Variants in HECW1 observed in about 807,000 individuals in gnomAD.
HECW1 encodes E3 ubiquitin-protein ligase HECW1.
HECW1 carries 61 observed loss-of-function variants against 182.3 expected under a neutral mutation model. The ratio of observed to expected loss-of-function variants is 0.33; its 90% CI spans 0.27 to 0.41. The LOEUF is 0.41. Ranked by LOEUF, HECW1 falls within the 10% of genes least tolerant of loss-of-function variation. The pLI, the probability that HECW1 is intolerant of heterozygous loss-of-function variation, is 1.00. For missense variants in HECW1, 1,739 were observed against 2,108.9 expected, an observed-to-expected ratio of 0.82 and a Z score of 3.44; for synonymous variants, 859 against 832.6, an observed-to-expected ratio of 1.03 and a Z score of -0.55.
At chr7:43,155,708 GATA>G (rs1452619772) in intron 2 of HECW1, among the ~76,000 whole-genome samples, 1 of 152,198 alleles carries the variant, frequency 6.6e-6, no homozygotes, top group East Asian at 1.9e-4. Context: ...TTGTCTCTAA[GATA>G]ATAAAACCTG....
intron 2 of HECW1, chr7:43,118,318 TG>T (rs1785244645): frequency 2.0e-5 from 3 of 152,706 alleles, no homozygotes; most frequent in Non-Finnish European, 4.4e-5. Context: ...TTAACGTGCA[TG>T]GATGTTCCCT....
intron 3 of HECW1, among the ~76,000 whole-genome samples, chr7:43,275,070 CAG>C (rs1463999131): frequency 6.6e-6 from 1 of 152,152 alleles, no homozygotes; most frequent in Admixed American, 6.5e-5. Context: ...CAGAGAATAA[CAG>C]AGCAAAGTAC....
intron 6 of HECW1, among the ~76,000 whole-genome samples, chr7:43,375,286 A>G (rs1315672948): frequency 6.6e-6 from 1 of 151,976 alleles, no homozygotes; most frequent in Non-Finnish European, 1.5e-5. Flanking sequence ...TAAGATGTCT[A>G]TTTAAAGGGA....
intron 5 of HECW1, among the ~76,000 whole-genome samples, chr7:43,327,983 T>TATTATTATC (rs1169377737): frequency 1.3e-4 from 20 of 149,110 alleles, no homozygotes; most frequent in African/African-American, 4.9e-4. Flanking sequence ...TTATTATTAT[T>TATTATTATC]ATTATTATCA....
chr7:43,564,450 T>C lies in HECW1; in HGVS notation c.*2524T>C, dbSNP rs932157947. ...GGAATGCAGTATCTCAGAAATTATA[T>C]ATAGATAGGTAACTTTGGCATACAT... On this transcript the variant is annotated 3_prime_UTR_variant, in exon 30 of 30. Coordinates refer to ENST00000395891, the MANE Select transcript of HECW1 (RefSeq NM_015052.5). The C allele has an allele frequency of 5.4e-6, 1 of 185,306 alleles. No homozygotes were observed. Among genetic ancestry groups the C allele is most frequent in the Admixed American group, 6.2e-5 (1 of 16,068 alleles). 11.5% of individuals were successfully genotyped at this position (185,306 alleles called of 1,614,324 possible).
At chr7:43,179,361 G>C (rs1293071774) in intron 2 of HECW1, among the ~76,000 whole-genome samples, 1 of 152,214 alleles carries the variant, frequency 6.6e-6, no homozygotes, top group Non-Finnish European at 1.5e-5. Context: ...AGAGTTCCAA[G>C]TGTGGTAAAA....
intron 2 of HECW1, among the ~76,000 whole-genome samples, chr7:43,151,648 A>C (rs115755846): frequency 0.012 from 1,901 of 152,312 alleles, 31 homozygotes; most frequent in African/African-American, 0.043. Flanking sequence ...CCAAATAAAC[A>C]TTGCTAAAAA....
rs192505968 is a variant in HECW1, at chr7:43,129,636, A to C, written c.-32+15245A>C. ...AATAGGTAATTGAAAAACAAAAACA[A>C]AACGGATAAAGGACAAAATAACCAT... On this transcript the variant is annotated intron_variant, in intron 2 of 29. Coordinates refer to ENST00000395891, the MANE Select transcript of HECW1 (RefSeq NM_015052.5). Among the ~76,000 whole-genome samples the C allele has an allele frequency of 1.4e-4, 22 of 152,296 alleles. No individual in the cohort carries two copies. In the East Asian group the frequency reaches 4.1e-3, roughly 28 times the overall value.
intron 7 of HECW1, among the ~76,000 whole-genome samples, chr7:43,401,530 GA>G (rs1417910646): frequency 1.4e-5 from 2 of 146,802 alleles, no homozygotes; most frequent in African/African-American, 5.0e-5. Context: ...AAATGTATAT[GA>G]AGAGACCAAC....
intron 26 of HECW1, among the ~76,000 whole-genome samples, chr7:43,544,924 A>G (rs1206374426): frequency 6.6e-6 from 1 of 152,224 alleles, no homozygotes. Context: ...GAGAAAAAGG[A>G]TAGTGAAGAA....
chr7:43,479,577 A>G (rs764059138), intron 16 of HECW1, 33 bp from the exon 17 acceptor site: 1 of 1,613,626 alleles, frequency 6.2e-7, no homozygotes, highest in Admixed American at 1.7e-5. Flanking sequence ...TTCTCACACC[A>G]CACGGTGCTT....
chr7:43,393,379 A>G (rs1193965385), intron 6 of HECW1, among the ~76,000 whole-genome samples: 1 of 152,188 alleles, frequency 6.6e-6, no homozygotes, highest in Non-Finnish European at 1.5e-5. Context: ...AACTGTAAAG[A>G]GTCTGTCTGT....
intron 4 of HECW1, among the ~76,000 whole-genome samples, chr7:43,315,188 C>A (rs1809050045): frequency 6.6e-6 from 1 of 152,190 alleles, no homozygotes; most frequent in Non-Finnish European, 1.5e-5. Context: ...TGGAACCCAA[C>A]TCTTGAAGAA....
chr7:43,237,586 C>T (rs971656643), intron 2 of HECW1, among the ~76,000 whole-genome samples: 1 of 152,162 alleles, frequency 6.6e-6, no homozygotes, highest in Non-Finnish European at 1.5e-5. Context: ...GGAACTGCCT[C>T]GCTAGATTAT....
intron 28 of HECW1, 43 bp from the exon 29 acceptor site, chr7:43,554,549 T>A (rs756232872): frequency 6.4e-7 from 1 of 1,557,112 alleles, no homozygotes; most frequent in Non-Finnish European, 8.8e-7. Flanking sequence ...CCCTTCCTCT[T>A]TTCTCCACAT....
chr7:43,401,301 C>CT (rs1227046643), intron 7 of HECW1, among the ~76,000 whole-genome samples: 1 of 152,152 alleles, frequency 6.6e-6, no homozygotes, highest in East Asian at 1.9e-4. Context: ...GACAGATTGA[C>CT]TTGAGAGTCT....
intron 4 of HECW1, among the ~76,000 whole-genome samples, chr7:43,319,775 A>ATTTTTTTTTTT (rs10604163): frequency 1.9e-5 from 2 of 105,492 alleles, no homozygotes; most frequent in East Asian, 2.8e-4. Context: ...AATTTTTGTA[A>ATTTTTTTTTTT]TTTTTTTTTT....
At chr7:43,491,643 C>A (rs557836900) in intron 17 of HECW1, among the ~76,000 whole-genome samples, 1 of 152,150 alleles carries the variant, frequency 6.6e-6, no homozygotes, top group African/African-American at 2.4e-5. Flanking sequence ...TCCTCTGTTG[C>A]CCAGGCCAGA....
chr7:43,447,068 C>T (rs1195404116), intron 11 of HECW1, among the ~76,000 whole-genome samples: 1 of 152,110 alleles, frequency 6.6e-6, no homozygotes, highest in Non-Finnish European at 1.5e-5. Context: ...TGTTGGGTTA[C>T]AGAGGTCTGT....
Sources: allele counts gnomAD v4.1 joint callset (sites outside exome capture counted in the v4.1 genomes callset), GRCh38; gene constraint gnomAD v4.1.1; transcripts MANE v1.5; gene names NCBI Gene and HGNC (gene_info 2026-07-23, HGNC 2026-07-21).